Variants in RHOT1 observed in about 807,000 individuals in gnomAD.
RHOT1 encodes the protein mitochondrial Rho GTPase 1.
In RHOT1, 27 loss-of-function variants were observed where a neutral mutation model predicts 95.3. That is an observed-to-expected ratio of 0.28 (90% CI 0.21 to 0.39). The LOEUF (loss-of-function observed/expected upper bound fraction) is 0.39, where lower values mean the gene tolerates loss of function less well. Among genes scored for constraint, RHOT1 ranks in the 10% least tolerant of loss-of-function variants. The pLI, the probability that RHOT1 is intolerant of heterozygous loss-of-function variation, is 1.00. For missense variants in RHOT1, 578 were observed against 786.7 expected (o/e 0.73, Z 3.17); for synonymous variants, 227 against 263.5 (o/e 0.86, Z 1.34).
chr17:32,176,325 T>A, intron 6 of RHOT1, 112 bp downstream of exon 6: 1 of 841,206 alleles, frequency 1.2e-6, no homozygotes, highest in Non-Finnish European at 1.9e-6. Context: ...ATTTACTAGG[T>A]AACGTTTTGC....
chr17:32,145,746 G>A (rs2031221888), intron 1 of RHOT1, among the ~76,000 whole-genome samples: 2 of 152,110 alleles, frequency 1.3e-5, no homozygotes, highest in Admixed American at 1.3e-4. Context: ...CAGGTGTGGT[G>A]GCTCATGCCT....
rs2035757996 is a variant in RHOT1 at position 32,182,968 on chromosome 17, A to G, written c.438+103A>G. On this transcript the variant is annotated intron_variant, in intron 7 of 19. Transcript: ENST00000545287. Reference sequence around the variant, plus strand: ...TGTGGGATGGAATAAATTTCCTGCTATTTGTGAAGTCACGTAAACCAAATA... The same window carrying G: ...TGTGGGATGGAATAAATTTCCTGCTGTTTGTGAAGTCACGTAAACCAAATA... 4 of 838,754 alleles carry G rather than the reference A, an allele frequency of 4.8e-6. No individual in the cohort carries two copies. The Admixed American group carries it at 1.0e-4, about 22-fold the overall frequency. The allele number at this position is 838,754 out of a possible 1,614,324, so 52.0% of individuals were successfully genotyped here.
chr17:32,144,346 G>A (rs1324290195), intron 1 of RHOT1, among the ~76,000 whole-genome samples: 1 of 152,050 alleles, frequency 6.6e-6, no homozygotes, highest in African/African-American at 2.4e-5. Flanking sequence ...TCAGGAGTTC[G>A]AGACGAGCCT....
chr17:32,192,371 G>GTGTT, intron 9 of RHOT1, 72 bp downstream of exon 9: 1 of 788,186 alleles, frequency 1.3e-6, no homozygotes, highest in Non-Finnish European at 2.0e-6. Context: ...GCTGTAAAAT[G>GTGTT]TGTTAGCTTA....
intron 16 of RHOT1, among the ~76,000 whole-genome samples, chr17:32,205,354 C>CT (rs113034169): frequency 1.0e-3 from 154 of 152,216 alleles, no homozygotes; most frequent in African/African-American, 3.7e-3. Flanking sequence ...TGAACTCATT[C>CT]TTTATTTATG....
At chr17:32,174,024 G>A in intron 3 of RHOT1, 112 bp downstream of exon 3, 2 of 770,918 alleles carry the variant, frequency 2.6e-6, no homozygotes, top group Middle Eastern at 2.4e-4. Context: ...CTCTGTAGCA[G>A]TAAATGATCC....
chr17:32,223,027 T>C, intron 19 of RHOT1: 1 of 214,246 alleles, frequency 4.7e-6, no homozygotes, highest in Non-Finnish European at 8.0e-6. Context: ...CAAGCTGGAA[T>C]GAACCTGTGA....
chr17:32,186,556 G>A lies in RHOT1; in HGVS notation c.540+3284G>A, dbSNP rs188051849. 8.3e-3 allele frequency among the ~76,000 whole-genome samples: 1,255 copies of A among 152,030 alleles called. 21 individuals carry two copies. The highest frequency in any genetic ancestry group is 0.029 in the African/African-American group (1,188 of 41,480). ...TTTTTTTTGTATTTTTAGTAGAGAC[G>A]GGGTTTCACTGTGTTAGCCAGGATG... On this transcript the variant is annotated intron_variant, in intron 8 of 19. Coordinates refer to ENST00000545287, the MANE Select transcript of RHOT1 (RefSeq NM_001033566.3).
chr17:32,146,571 G>C (rs964589313), intron 1 of RHOT1, among the ~76,000 whole-genome samples: 2 of 149,442 alleles, frequency 1.3e-5, no homozygotes, highest in Non-Finnish European at 3.0e-5. Flanking sequence ...TCAGTCTCCC[G>C]AGTAGCTGGG....
chr17:32,194,249 G>T, intron 11 of RHOT1, 142 bp downstream of exon 11: 1 of 783,064 alleles, frequency 1.3e-6, no homozygotes, highest in South Asian at 1.8e-5. Flanking sequence ...GTGATTAAAG[G>T]CATTGAGCCA....
intron 1 of RHOT1, among the ~76,000 whole-genome samples, chr17:32,154,825 G>A (rs975842896): frequency 6.6e-6 from 1 of 151,876 alleles, no homozygotes; most frequent in Non-Finnish European, 1.5e-5. Flanking sequence ...AACCCAGGAG[G>A]CGGAGGTTGC....
intron 1 of RHOT1, chr17:32,142,972 T>C (rs1258865973): frequency 2.8e-6 from 2 of 712,864 alleles, no homozygotes; most frequent in African/African-American, 1.8e-5. Flanking sequence ...CTCCTTTCCC[T>C]GTTCCCCAGC....
intron 2 of RHOT1, among the ~76,000 whole-genome samples, chr17:32,172,258 ATAAG>A (rs2034638221): frequency 6.6e-6 from 1 of 152,222 alleles, no homozygotes; most frequent in Non-Finnish European, 1.5e-5. Context: ...AGATGGTTAA[ATAAG>A]TAATTGCTTA....
At chr17:32,149,617 A>ATGTGTGTGTGTG (rs1290539388) in intron 1 of RHOT1, among the ~76,000 whole-genome samples, 43 of 83,620 alleles carry the variant, frequency 5.1e-4, no homozygotes, top group African/African-American at 2.6e-3. Flanking sequence ...ATATATATAT[A>ATGTGTGTGTGTG]TATATATATA....
At chr17:32,224,209 C>T (rs2039005755) in intron 19 of RHOT1, among the ~76,000 whole-genome samples, 1 of 152,080 alleles carries the variant, frequency 6.6e-6, no homozygotes, top group Non-Finnish European at 1.5e-5. Flanking sequence ...CTTTCAGTTC[C>T]TGGGGATAGG....
intron 1 of RHOT1, among the ~76,000 whole-genome samples, chr17:32,156,099 G>C (rs571863669): frequency 6.6e-6 from 1 of 152,344 alleles, no homozygotes; most frequent in African/African-American, 2.4e-5. Flanking sequence ...AAGTTGGCAA[G>C]ATCTGAAAAT....
chr17:32,145,196 A>G (rs548501948), intron 1 of RHOT1, among the ~76,000 whole-genome samples: 51 of 152,108 alleles, frequency 3.4e-4, no homozygotes, highest in African/African-American at 1.2e-3. Context: ...GCTACTCAGG[A>G]GGCTAAGGCA....
Position 32,150,470 on chromosome 17 carries a change from A to G in RHOT1, c.37+7741A>G, listed in dbSNP as rs1598282610. ...TCTACCATATTGGAGGTTTTCTGGA[A>G]TTCCAGGCTGTCTGTTAGACTGTAG... On this transcript the variant is annotated intron_variant, in intron 1 of 19. Coordinates refer to ENST00000545287, the MANE Select transcript of RHOT1 (RefSeq NM_001033566.3). 8.3e-6 allele frequency: 8 copies of G among 959,782 alleles called. No homozygotes were observed. The East Asian group carries it at 2.0e-4, about 24-fold the overall frequency. The allele number at this position is 959,782 out of a possible 1,614,324, so 59.5% of individuals were successfully genotyped here. A position where few individuals can be genotyped will look rare whatever the true frequency, so the allele number is the denominator to read the frequency against.
At chr17:32,178,535 C>T (rs554473459) in intron 6 of RHOT1, among the ~76,000 whole-genome samples, 3 of 152,178 alleles carry the variant, frequency 2.0e-5, no homozygotes, top group Admixed American at 1.3e-4. Flanking sequence ...GATCTCGGCT[C>T]GCTACAACCT....
Sources: allele counts gnomAD v4.1 joint callset (sites outside exome capture counted in the v4.1 genomes callset), GRCh38; gene constraint gnomAD v4.1.1; transcripts MANE v1.5; gene names NCBI Gene and HGNC (gene_info 2026-07-23, HGNC 2026-07-21).